Variants in MEMO1 observed in about 807,000 individuals in gnomAD.
MEMO1 encodes protein MEMO1.
In MEMO1, 6 loss-of-function variants were observed where a neutral mutation model predicts 45.2. The observed-to-expected ratio is 0.13, with a 90% CI of 0.07 to 0.26. The LOEUF (loss-of-function observed/expected upper bound fraction) is 0.26, where lower values mean the gene tolerates loss of function less well. MEMO1 is among the 10% of genes least tolerant of loss of function. The probability of loss-of-function intolerance (pLI) is 1.00; values close to 1 mark genes in which losing one functional copy is unlikely to be tolerated. For missense variants in MEMO1, 184 were observed against 370.5 expected (o/e 0.50, Z 4.13); for synonymous variants, 78 against 124.3 (o/e 0.63, Z 2.48).
intron 6 of MEMO1, among the ~76,000 whole-genome samples, chr2:31,910,888 A>C (rs160797): frequency 0.36 from 55,181 of 151,872 alleles, 10,111 homozygotes; most frequent in Non-Finnish European, 0.38. Flanking sequence ...GAAAGTTGTA[A>C]ATTAGTTGTA....
chr2:31,911,136 T>C lies in MEMO1; in HGVS notation c.437+6790A>G, dbSNP rs74833326. 1.2e-3 allele frequency among the ~76,000 whole-genome samples: 188 copies of C among 152,206 alleles called. No individual in the cohort carries two copies. In the East Asian group the frequency reaches 0.014, roughly 11 times the overall value. On this transcript the variant is annotated intron_variant, in intron 6 of 9. Transcript: ENST00000404530. ...AGCAACAATCCTTCAGGAGGTGGAATGGATAAGCAAACTATGGTACATCCA... is the reference window on the plus strand; with the variant it reads ...AGCAACAATCCTTCAGGAGGTGGAACGGATAAGCAAACTATGGTACATCCA...
At chr2:31,881,296 T>C (rs762596108) in intron 8 of MEMO1, among the ~76,000 whole-genome samples, 14 of 149,252 alleles carry the variant, frequency 9.4e-5, no homozygotes, top group Non-Finnish European at 1.8e-4. Context: ...TCCAGACCAG[T>C]CTGGGCAACA....
chr2:31,982,308 A>C (rs1170446743), intron 2 of MEMO1, among the ~76,000 whole-genome samples: 1 of 134,346 alleles, frequency 7.4e-6, no homozygotes, highest in Non-Finnish European at 1.6e-5. Context: ...AAAAAAAAAA[A>C]AGGCCAGACG....
chr2:32,004,768 A>G (rs1673835684), intron 2 of MEMO1, among the ~76,000 whole-genome samples: 1 of 151,972 alleles, frequency 6.6e-6, no homozygotes, highest in Non-Finnish European at 1.5e-5. Flanking sequence ...CTCTACTAAA[A>G]ATACAAAAAT....
chr2:31,892,279 ATAAAT>A, intron 6 of MEMO1, 145 bp from the exon 7 acceptor site: 2 of 710,878 alleles, frequency 2.8e-6, no homozygotes, highest in East Asian at 2.7e-5. Context: ...CTTAAAATCC[ATAAAT>A]TAAATGTTTA....
chr2:31,943,154 G>C (rs558155280), intron 3 of MEMO1, 148 bp downstream of exon 3: 1 of 661,826 alleles, frequency 1.5e-6, no homozygotes, highest in Non-Finnish European at 2.7e-6. Context: ...AGTCCCAACT[G>C]CTCAGGAGGT....
At chr2:31,887,629 ATC>A (rs1431228105) in intron 7 of MEMO1, among the ~76,000 whole-genome samples, 1 of 152,156 alleles carries the variant, frequency 6.6e-6, no homozygotes, top group Non-Finnish European at 1.5e-5. Flanking sequence ...AAATAAGGTA[ATC>A]TCTTTTAAAA....
chr2:31,992,677 G>A (rs1246370691), intron 2 of MEMO1, among the ~76,000 whole-genome samples: 9 of 152,130 alleles, frequency 5.9e-5, no homozygotes, highest in South Asian at 2.1e-4. Context: ...CCAGCTACTC[G>A]GGAGACTGAG....
chr2:32,000,470 T>A (rs909236107), intron 2 of MEMO1, among the ~76,000 whole-genome samples: 2 of 152,058 alleles, frequency 1.3e-5, no homozygotes, highest in African/African-American at 4.8e-5. Context: ...GACCTCGTGA[T>A]CCGCCCGCCT....
intron 6 of MEMO1, among the ~76,000 whole-genome samples, chr2:31,906,805 A>G (rs544138185): frequency 2.0e-5 from 3 of 152,288 alleles, no homozygotes; most frequent in Admixed American, 6.5e-5. Flanking sequence ...CTGTATCTCT[A>G]TAAGTCAGCT....
intron 8 of MEMO1, among the ~76,000 whole-genome samples, chr2:31,877,817 T>A (rs756440076): frequency 1.3e-5 from 2 of 152,192 alleles, no homozygotes; most frequent in Non-Finnish European, 2.9e-5. Context: ...TATTATAAAT[T>A]CCTTTTATTT....
chr2:31,935,494 GAGA>G (rs1378931627), intron 3 of MEMO1, among the ~76,000 whole-genome samples: 1 of 152,036 alleles, frequency 6.6e-6, no homozygotes, highest in Non-Finnish European at 1.5e-5. Context: ...GTTACAGGGA[GAGA>G]AGGAGAGTCT....
intron 7 of MEMO1, among the ~76,000 whole-genome samples, chr2:31,890,607 T>C (rs1055167946): frequency 3.3e-5 from 5 of 151,914 alleles, no homozygotes; most frequent in Non-Finnish European, 5.9e-5. Flanking sequence ...TAAAAACAGA[T>C]TTAAAAAAAG....
At position 31,999,433 on chromosome 2, in the gene MEMO1, T is replaced by C. The variant is rs147394636; in HGVS notation, c.61+10754A>G. On this transcript the variant is annotated intron_variant, in intron 2 of 9. Coordinates refer to ENST00000404530, the MANE Select transcript of MEMO1 (RefSeq NM_001301833.4). The stretch of plus-strand genomic sequence containing the variant: ...ATCCCAGCACTCTGGGAGGCTGAGA[T>C]AGGAAGATTGCTTCAGTCCACAAGT... Among the ~76,000 whole-genome samples the C allele has an allele frequency of 9.7e-3, 1,473 of 152,046 alleles. 26 individuals carry two copies. The highest frequency in any genetic ancestry group is 0.048 in the South Asian group (232 of 4,812).
chr2:31,992,493 G>A lies in MEMO1; in HGVS notation c.61+17694C>T, dbSNP rs537636814. On this transcript the variant is annotated intron_variant, in intron 2 of 9. Transcript: ENST00000404530. ...GATAAAAGACTGAAATGTCAAAAGT[G>A]AATTAATGGGCGGGGCACAGTGGTT... Among the ~76,000 whole-genome samples, 4 of 152,284 alleles carry A rather than the reference G, an allele frequency of 2.6e-5. No individual in the cohort carries two copies. In the East Asian group the frequency reaches 5.8e-4, roughly 22 times the overall value.
At chr2:31,932,566 G>T (rs1664315475) in intron 3 of MEMO1, among the ~76,000 whole-genome samples, 1 of 151,876 alleles carries the variant, frequency 6.6e-6, no homozygotes, top group Non-Finnish European at 1.5e-5. Context: ...AGCTTCCTCA[G>T]TAGCTGAGAC....
intron 2 of MEMO1, among the ~76,000 whole-genome samples, chr2:31,948,732 C>T (rs1028161631): frequency 5.3e-5 from 8 of 152,178 alleles, no homozygotes; most frequent in African/African-American, 1.9e-4. Flanking sequence ...AACCCCGTCT[C>T]TACTAAAAAT....
chr2:31,988,843 GACC>G (rs1671594397), intron 2 of MEMO1, among the ~76,000 whole-genome samples: 2 of 152,222 alleles, frequency 1.3e-5, no homozygotes, highest in African/African-American at 4.8e-5. Flanking sequence ...CTTTTTTATA[GACC>G]ACCATTTCTC....
chr2:31,983,251 ACT>A (rs1670871224), intron 2 of MEMO1, among the ~76,000 whole-genome samples: 1 of 152,038 alleles, frequency 6.6e-6, no homozygotes, highest in Non-Finnish European at 1.5e-5. Flanking sequence ...ACAGAGCAAG[ACT>A]CTGCCTAAAA....
Sources: allele counts gnomAD v4.1 joint callset (sites outside exome capture counted in the v4.1 genomes callset), GRCh38; gene constraint gnomAD v4.1.1; transcripts MANE v1.5; gene names NCBI Gene and HGNC (gene_info 2026-07-23, HGNC 2026-07-21).